ST8SIA1: variants seen among roughly 807,000 people sequenced by gnomAD.
ST8SIA1 encodes the protein alpha-N-acetylneuraminide alpha-2,8-sialyltransferase.
A neutral mutation model predicts 35.9 loss-of-function variants in ST8SIA1; 16 were observed. The observed-to-expected ratio is 0.45, with a 90% CI of 0.30 to 0.68. The LOEUF (loss-of-function observed/expected upper bound fraction) is 0.68. ST8SIA1 is among the 30% of genes least tolerant of loss of function. The pLI, the probability that ST8SIA1 is intolerant of heterozygous loss-of-function variation, is 0.09. For missense variants in ST8SIA1, 383 were observed against 453.6 expected, an observed-to-expected ratio of 0.84 and a Z score of 1.41; for synonymous variants, 170 against 169.6, an observed-to-expected ratio of 1.00 and a Z score of -0.02.
At chr12:22,303,160 C>A (rs1866338332) in intron 1 of ST8SIA1, among the ~76,000 whole-genome samples, 1 of 152,122 alleles carries the variant, frequency 6.6e-6, no homozygotes, top group South Asian at 2.1e-4. Context: ...GTGCCTCTGA[C>A]CTTTGCCAAA....
chr12:22,255,363 C>T lies in ST8SIA1; in HGVS notation c.408G>A (p.Lys136=). ...PQATPFQLPL[K]KCAVVGNGGI... is the part of the protein sequence containing the mutation. ...CACCATTTCCCACCACCGCGCATTT[C>T]TTCAATGGCAGCTGGAATGGGGTTG... The change falls in exon 3 of 5, where the codon AAG becomes AAA. Residue 136 remains lysine, a synonymous_variant. Transcript: ENST00000396037. The T allele has an allele frequency of 6.2e-7, 1 of 1,614,190 alleles. No individual in the cohort carries two copies. The highest frequency in any genetic ancestry group is 1.1e-5 in the South Asian group (1 of 91,082).
intron 2 of ST8SIA1, among the ~76,000 whole-genome samples, chr12:22,272,091 T>C (rs1184442830): frequency 6.6e-6 from 1 of 152,226 alleles, no homozygotes; most frequent in African/African-American, 2.4e-5. Flanking sequence ...TCTAAATCCT[T>C]TCTTGCCCCT....
intron 1 of ST8SIA1, among the ~76,000 whole-genome samples, chr12:22,312,099 G>T (rs374807925): frequency 6.6e-6 from 1 of 152,122 alleles, no homozygotes; most frequent in East Asian, 1.9e-4. Flanking sequence ...CTAGTGTGTT[G>T]CCCCAAAGGT....
At position 22,287,251 on chromosome 12, in the gene ST8SIA1, A is replaced by C. The variant is rs1316614461; in HGVS notation, c.279T>G (p.Ala93=). The change falls in exon 2 of 5, where the codon GCT becomes GCG. Residue 93 remains alanine, a synonymous_variant. Transcript: ENST00000396037. ...EDCCDPAHLF[A]MTKMNSPMGK... The stretch of plus-strand genomic sequence containing the variant: ...CCATAGGGGAATTCATTTTAGTCAT[A>C]GCAAAGAGATGGGCAGGGTCGCAGC... 6.2e-7 allele frequency: 1 copy of C among 1,614,182 alleles called. No individual in the cohort carries two copies. The highest frequency in any genetic ancestry group is 1.1e-5 in the South Asian group (1 of 91,076).
intron 2 of ST8SIA1, among the ~76,000 whole-genome samples, chr12:22,264,308 A>G (rs1323433023): frequency 6.6e-6 from 1 of 151,772 alleles, no homozygotes; most frequent in East Asian, 1.9e-4. Context: ...CAAGCCCCCA[A>G]CTCTCCAACA....
chr12:22,284,964 G>A (rs59001873), intron 2 of ST8SIA1, among the ~76,000 whole-genome samples: 5,471 of 152,220 alleles, frequency 0.036, 355 homozygotes, highest in African/African-American at 0.13. Context: ...CATTTAAAAT[G>A]TTTCTATGTG....
chr12:22,333,941 T>C, intron 1 of ST8SIA1, 56 bp downstream of exon 1: 1 of 1,505,588 alleles, frequency 6.6e-7, no homozygotes, highest in Non-Finnish European at 9.2e-7. Flanking sequence ...GACCCTGTCC[T>C]CTGCACTCGG....
chr12:22,256,486 C>G (rs1591836467), intron 2 of ST8SIA1, among the ~76,000 whole-genome samples: 1 of 152,186 alleles, frequency 6.6e-6, no homozygotes, highest in Non-Finnish European at 1.5e-5. Context: ...TTCATATACA[C>G]AACTGGCATC....
intron 4 of ST8SIA1, among the ~76,000 whole-genome samples, chr12:22,205,441 C>T (rs957034627): frequency 6.6e-6 from 1 of 151,830 alleles, no homozygotes; most frequent in Non-Finnish European, 1.5e-5. Flanking sequence ...GTGGAAAGGA[C>T]AAAAGTATAG....
At chr12:22,227,697 C>A (rs547835053) in intron 4 of ST8SIA1, among the ~76,000 whole-genome samples, 1 of 152,004 alleles carries the variant, frequency 6.6e-6, no homozygotes, top group Non-Finnish European at 1.5e-5. Flanking sequence ...TATTCCAGAA[C>A]CATATTTGTT....
At chr12:22,320,971 GAA>G (rs746329045) in intron 1 of ST8SIA1, among the ~76,000 whole-genome samples, 54 of 75,770 alleles carry the variant, frequency 7.1e-4, no homozygotes, top group Non-Finnish European at 1.1e-3. Flanking sequence ...AAGAAAGAAA[GAA>G]AGAAAGAAAG....
chr12:22,273,090 G>A (rs1049448088), intron 2 of ST8SIA1, among the ~76,000 whole-genome samples: 3 of 152,058 alleles, frequency 2.0e-5, no homozygotes, highest in Non-Finnish European at 1.5e-5. Context: ...GTTTCTTACC[G>A]ATAATGACAG....
rs535627318 is a variant in ST8SIA1, at chr12:22,224,329, T to C, written c.585-22291A>G. ...AATATATTTATACTTTTTTTTTTTT[T>C]ACATGGAGTCTTACTCTGCGCCCAG... On this transcript the variant is annotated intron_variant, in intron 4 of 4. Transcript: ENST00000396037. Among the ~76,000 whole-genome samples the C allele has an allele frequency of 2.1e-4, 31 of 151,130 alleles. No individual in the cohort carries two copies. The East Asian group carries it at 5.1e-3, about 25-fold the overall frequency.
intron 4 of ST8SIA1, among the ~76,000 whole-genome samples, chr12:22,214,871 A>G (rs1865218468): frequency 6.6e-6 from 1 of 152,194 alleles, no homozygotes; most frequent in Non-Finnish European, 1.5e-5. Context: ...TGTTGAGAAA[A>G]TTAAGGATCG....
At chr12:22,250,717 G>C (rs1377990027) in intron 3 of ST8SIA1, 3 of 152,174 alleles carry the variant, frequency 2.0e-5, no homozygotes, top group Admixed American at 1.3e-4. Flanking sequence ...CTCTGATTTT[G>C]TCTCTTATTT....
chr12:22,229,925 T>C (rs1438888165), intron 4 of ST8SIA1, among the ~76,000 whole-genome samples: 1 of 152,078 alleles, frequency 6.6e-6, no homozygotes, highest in Non-Finnish European at 1.5e-5. Flanking sequence ...CAAAGGAAGA[T>C]AACAAGAAAC....
Position 22,318,367 on chromosome 12 carries a change from C to CCAT in ST8SIA1, c.236+15627_236+15629dup, listed in dbSNP as rs1362945696. 2.6e-5 allele frequency among the ~76,000 whole-genome samples: 4 copies of CCAT among 152,302 alleles called. No individual in the cohort carries two copies. In the East Asian group the frequency reaches 7.7e-4, roughly 29 times the overall value. On this transcript the variant is annotated intron_variant, in intron 1 of 4. Transcript: ENST00000396037. ...CACTCCTGTTTCTCAGTTGTACAGG[C>CCAT]CATAGTCTCCCTTACTATGGTATGG...
At chr12:22,260,486 C>G (rs1197692572) in intron 2 of ST8SIA1, among the ~76,000 whole-genome samples, 1 of 152,178 alleles carries the variant, frequency 6.6e-6, no homozygotes, top group Non-Finnish European at 1.5e-5. Context: ...TGCTCAGCCA[C>G]TAACCATCCT....
rs755785799 is a variant in ST8SIA1 at position 22,299,975 on chromosome 12, C to A, written c.237-12682G>T. Among the ~76,000 whole-genome samples, 50 of 152,118 alleles carry A rather than the reference C, an allele frequency of 3.3e-4. 1 individual carries two copies. The highest frequency in any genetic ancestry group is 4.3e-4 in the Non-Finnish European group (29 of 67,986). On this transcript the variant is annotated intron_variant, in intron 1 of 4. Transcript: ENST00000396037. Reference sequence around the variant, plus strand: ...CACTACAGAAAGTCTTTTCTTTTGCCTTTTGGTAACAGGCCTAACAGATTT... The same window carrying A: ...CACTACAGAAAGTCTTTTCTTTTGCATTTTGGTAACAGGCCTAACAGATTT...
Sources: allele counts gnomAD v4.1 joint callset (sites outside exome capture counted in the v4.1 genomes callset), GRCh38; gene constraint gnomAD v4.1.1; transcripts MANE v1.5; gene names NCBI Gene and HGNC (gene_info 2026-07-23, HGNC 2026-07-21).